The following ITSN2 variants were observed in gnomAD, a reference collection of about 807,000 sequenced individuals.
ITSN2 encodes the protein intersectin-2.
Under a neutral mutation model 243.7 loss-of-function variants are expected in ITSN2, and 156 were observed. That is an observed-to-expected ratio of 0.64 (90% CI 0.56 to 0.73). The LOEUF (loss-of-function observed/expected upper bound fraction) is 0.73. Among genes scored for constraint, ITSN2 ranks in the 30% least tolerant of loss-of-function variants. The pLI, the probability that ITSN2 is intolerant of heterozygous loss-of-function variation, is 0.00. For synonymous variants in ITSN2, 703 were observed against 699.9 expected (o/e 1.00, Z -0.07); for missense variants, 1,801 against 1,996.1 (o/e 0.90, Z 1.86).
At chr2:24,267,721 A>AT (rs1476262634) in intron 20 of ITSN2, among the ~76,000 whole-genome samples, 10 of 151,452 alleles carry the variant, frequency 6.6e-5, no homozygotes, top group South Asian at 2.1e-4. Flanking sequence ...AGCCCCGCTA[A>AT]TTTTTTTTTA....
chr2:24,216,078 C>T lies in ITSN2; in HGVS notation c.3961G>A (p.Glu1321Lys). Residue 1321 changes from glutamate to lysine, a missense_variant, in exon 32 of 40, where the codon GAA becomes AAA. Coordinates refer to ENST00000355123, the MANE Select transcript of ITSN2 (RefSeq NM_006277.3). ...AAAAATTCTTTGAAATCTGTGTCTT[C>T]ATCTGTCTTCTGCTGTAACAGAGCT... ...GAALLQQKTD[E>K]DTDFKEFLKK... 2 of 1,603,818 alleles carry T rather than the reference C, an allele frequency of 1.2e-6. No homozygotes were observed. Among genetic ancestry groups the T allele is most frequent in the Non-Finnish European group, 1.7e-6 (2 of 1,175,330 alleles).
Position 24,225,190 on chromosome 2 carries a change from A to G in ITSN2, c.3578-4124T>C, listed in dbSNP as rs569813440. 2.6e-5 allele frequency among the ~76,000 whole-genome samples: 4 copies of G among 151,900 alleles called. No homozygotes were observed. In the East Asian group the frequency reaches 7.8e-4, roughly 30 times the overall value. Reference sequence around the variant, plus strand: ...CACGCTTCTATGTTCACTCTTCGCCATTTCCTTCTTAGCCCATAAACATTG... The same window carrying G: ...CACGCTTCTATGTTCACTCTTCGCCGTTTCCTTCTTAGCCCATAAACATTG... On this transcript the variant is annotated intron_variant, in intron 29 of 39. Transcript: ENST00000355123. This position sits in a 1 kb window ranked among gnomAD's most constrained non-coding sequence, Gnocchi z 4.2.
At chr2:24,287,215 C>T (rs1679618036) in intron 15 of ITSN2, among the ~76,000 whole-genome samples, 1 of 151,974 alleles carries the variant, frequency 6.6e-6, no homozygotes, top group Non-Finnish European at 1.5e-5. Context: ...AGTAAGATAT[C>T]TTATCAATCA....
intron 29 of ITSN2, chr2:24,241,326 G>C (rs1672704281): frequency 6.6e-6 from 1 of 152,138 alleles, no homozygotes; most frequent in Non-Finnish European, 1.5e-5. Context: ...CACAGTCAAT[G>C]ATGGGAGCCT....
At chr2:24,284,650 G>A (rs1375848135) in intron 17 of ITSN2, 113 bp downstream of exon 17, 3 of 684,184 alleles carry the variant, frequency 4.4e-6, no homozygotes. Context: ...GGCTTATATT[G>A]TATATGTTAT....
At chr2:24,308,806 T>G (rs759753293) in intron 7 of ITSN2, 50 bp from the exon 8 acceptor site, 1 of 1,019,150 alleles carries the variant, frequency 9.8e-7, no homozygotes, top group Non-Finnish European at 1.3e-6. Context: ...AAAATATATT[T>G]AATTAAATTT....
intron 27 of ITSN2, among the ~76,000 whole-genome samples, chr2:24,247,464 G>A (rs1024023242): frequency 2.6e-5 from 4 of 152,164 alleles, no homozygotes; most frequent in African/African-American, 9.7e-5. Context: ...GCTGTAGTGA[G>A]TTCTGTAAAG....
At chr2:24,277,733 G>T (rs145123321) in intron 17 of ITSN2, among the ~76,000 whole-genome samples, 3,415 of 152,266 alleles carry the variant, frequency 0.022, 70 homozygotes, top group Middle Eastern at 0.044. Flanking sequence ...TATGGTACAA[G>T]GGTGTCCAAT....
At chr2:24,341,410 A>G (rs1687034458) in intron 1 of ITSN2, among the ~76,000 whole-genome samples, 1 of 152,194 alleles carries the variant, frequency 6.6e-6, no homozygotes. Context: ...TCAGAAACAG[A>G]GGTTCAGAAA....
intron 29 of ITSN2, among the ~76,000 whole-genome samples, chr2:24,236,435 T>C (rs916636316): frequency 2.6e-5 from 4 of 152,164 alleles, no homozygotes; most frequent in African/African-American, 4.8e-5. Flanking sequence ...GTGGAAATGG[T>C]TGGACAACTT....
At chr2:24,326,024 C>A (rs1685126028) in intron 2 of ITSN2, among the ~76,000 whole-genome samples, 2 of 152,124 alleles carry the variant, frequency 1.3e-5, no homozygotes, top group Admixed American at 1.3e-4. Flanking sequence ...ATTTAACAAT[C>A]TATGTCAGGA....
intron 31 of ITSN2, 154 bp from the exon 32 acceptor site, chr2:24,216,386 C>A: frequency 1.7e-6 from 1 of 572,194 alleles, no homozygotes. Context: ...GAGGAGATAG[C>A]TTGGGCCAAA....
At chr2:24,271,182 A>G (rs1320961866) in intron 19 of ITSN2, among the ~76,000 whole-genome samples, 1 of 152,180 alleles carries the variant, frequency 6.6e-6, no homozygotes, top group African/African-American at 2.4e-5. Flanking sequence ...GCAAGTTAAC[A>G]GGGATGGCTG....
rs79741263 is a variant in ITSN2, at chr2:24,307,475, A to T, written c.793+1142T>A. On this transcript the variant is annotated intron_variant, in intron 8 of 39. Transcript: ENST00000355123. ...TACAAAGTATATATGTAAGCTAAGA[A>T]GTATAATAGGTCACCCGTGAACCTA... is the stretch of plus-strand genomic sequence containing the variant. Among the ~76,000 whole-genome samples, 1,101 of 152,326 alleles carry T rather than the reference A, an allele frequency of 7.2e-3. 8 individuals carry two copies. The highest frequency in any genetic ancestry group is 0.026 in the African/African-American group (1,060 of 41,560).
chr2:24,337,332 A>ATATATATATATATATG lies in ITSN2; in HGVS notation c.-33-9218_-33-9217insCATATATATATATATA, dbSNP rs1218643060. Among the ~76,000 whole-genome samples the ATATATATATATATATG allele has an allele frequency of 1.9e-4, 21 of 107,770 alleles. 3 individuals carry two copies. The Middle Eastern group carries it at 0.012, about 62-fold the overall frequency. The allele number at this position is 107,770 out of a possible 152,430, so 70.7% of individuals were successfully genotyped here. A position where few individuals can be genotyped will look rare whatever the true frequency, so the allele number is the denominator to read the frequency against. On this transcript the variant is annotated intron_variant, in intron 1 of 39. Coordinates refer to ENST00000355123, the MANE Select transcript of ITSN2 (RefSeq NM_006277.3). ...ATACACAAAATATATATATATATATATATATATATATATATATATATGTAA... is the reference window on the plus strand; with the variant it reads ...ATACACAAAATATATATATATATATATATATATATATATATGTATATATATATATATATATATGTAA...
chr2:24,333,885 G>A (rs1423832919), intron 1 of ITSN2, among the ~76,000 whole-genome samples: 12 of 152,026 alleles, frequency 7.9e-5, no homozygotes, highest in Non-Finnish European at 1.2e-4. Context: ...TTAAGGTTTA[G>A]GGGTTTTTTT....
intron 2 of ITSN2, among the ~76,000 whole-genome samples, chr2:24,324,971 T>C (rs1685001178): frequency 6.6e-6 from 1 of 151,758 alleles, no homozygotes; most frequent in Non-Finnish European, 1.5e-5. Context: ...TTACATATTA[T>C]CATGATTAAT....
At chr2:24,281,556 T>C (rs1678781595) in intron 17 of ITSN2, among the ~76,000 whole-genome samples, 1 of 152,234 alleles carries the variant, frequency 6.6e-6, no homozygotes, top group Non-Finnish European at 1.5e-5. Context: ...TTTCATCAGC[T>C]TTCTCTGTGC....
chr2:24,272,929 T>C (rs2151469539), intron 18 of ITSN2, among the ~76,000 whole-genome samples: 1 of 152,258 alleles, frequency 6.6e-6, no homozygotes, highest in South Asian at 2.1e-4. Flanking sequence ...TAGTTCTCCT[T>C]TGCATGTATT....
Sources: allele counts gnomAD v4.1 joint callset (sites outside exome capture counted in the v4.1 genomes callset), GRCh38; gene constraint gnomAD v4.1.1; non-coding constraint Gnocchi (gnomAD v3.1); transcripts MANE v1.5; gene names NCBI Gene and HGNC (gene_info 2026-07-23, HGNC 2026-07-21).